CTNNA2: variants seen among roughly 807,000 people sequenced by gnomAD.
CTNNA2 encodes the protein catenin alpha 2, also known as catenin alpha-2.
CTNNA2 carries 42 observed loss-of-function variants against 101.0 expected under a neutral mutation model. The observed-to-expected ratio is 0.42, with a 90% CI of 0.32 to 0.54. The LOEUF (loss-of-function observed/expected upper bound fraction) is 0.54, where lower values mean the gene tolerates loss of function less well. CTNNA2 is among the 20% of genes least tolerant of loss of function. CTNNA2 has a pLI of 0.14. For missense variants in CTNNA2, 871 were observed against 1,223.1 expected, an observed-to-expected ratio of 0.71 and a Z score of 4.29; for synonymous variants, 450 against 456.4, an observed-to-expected ratio of 0.99 and a Z score of 0.18.
intron 7 of CTNNA2, among the ~76,000 whole-genome samples, chr2:80,263,244 A>G (rs1672752182): frequency 1.3e-5 from 2 of 152,236 alleles, no homozygotes; most frequent in African/African-American, 4.8e-5. Context: ...CTATAAATCC[A>G]CAGAATATTA....
intron 4 of CTNNA2, among the ~76,000 whole-genome samples, chr2:79,390,465 C>G (rs1053431854): frequency 6.6e-6 from 1 of 152,288 alleles, no homozygotes; most frequent in East Asian, 1.9e-4. Context: ...ATCTCACCTC[C>G]TCCGTTATAC....
intron 4 of CTNNA2, among the ~76,000 whole-genome samples, chr2:79,450,503 A>T (rs1678880689): frequency 6.6e-6 from 1 of 152,084 alleles, no homozygotes; most frequent in Non-Finnish European, 1.5e-5. Context: ...TAGAGATTAT[A>T]TAGTATAAAA....
chr2:80,057,333 T>A (rs987909998), intron 7 of CTNNA2, among the ~76,000 whole-genome samples: 1 of 152,206 alleles, frequency 6.6e-6, no homozygotes, highest in Admixed American at 6.5e-5. Context: ...TGTTGTTCAA[T>A]AAGAATAGCA....
At chr2:80,309,352 A>G (rs1011894809) in intron 7 of CTNNA2, among the ~76,000 whole-genome samples, 2 of 152,204 alleles carry the variant, frequency 1.3e-5, no homozygotes, top group Admixed American at 6.5e-5. Flanking sequence ...CCTGCCCTCT[A>G]TAAAGCAATC....
chr2:79,258,168 T>A (rs894526202), intron 2 of CTNNA2, among the ~76,000 whole-genome samples: 3 of 152,180 alleles, frequency 2.0e-5, no homozygotes, highest in African/African-American at 7.2e-5. Flanking sequence ...ATATCATCAT[T>A]TGATGAGGGG....
chr2:79,433,270 G>C (rs1007224437), intron 4 of CTNNA2, among the ~76,000 whole-genome samples: 1 of 152,082 alleles, frequency 6.6e-6, no homozygotes, highest in South Asian at 2.1e-4. Flanking sequence ...ATTTTGGGGG[G>C]AACAGGGACA....
intron 12 of CTNNA2, among the ~76,000 whole-genome samples, chr2:80,558,300 A>C (rs183006500): frequency 6.6e-6 from 1 of 152,302 alleles, no homozygotes; most frequent in East Asian, 1.9e-4. Context: ...GTTGCCAAAG[A>C]AATGAAAGAA....
chr2:79,436,367 T>C (rs1678714545), intron 4 of CTNNA2, among the ~76,000 whole-genome samples: 2 of 152,176 alleles, frequency 1.3e-5, no homozygotes, highest in Admixed American at 6.5e-5. Context: ...CTGGTGTGTC[T>C]AGTGGCTGGC....
chr2:80,381,102 C>T lies in CTNNA2; in HGVS notation c.1057-12109C>T, dbSNP rs527914869. ...CATGCTCAGTGAGGTCCCTGATTCA[C>T]CTAAGCCTGAGGAGTGCCAGTGGCT... On this transcript the variant is annotated intron_variant, in intron 7 of 18. Transcript: ENST00000402739. Among the ~76,000 whole-genome samples the T allele has an allele frequency of 2.4e-4, 37 of 152,060 alleles. 1 individual carries two copies. In the South Asian group the frequency reaches 5.6e-3, roughly 23 times the overall value.
Position 79,208,548 on chromosome 2 carries a change from T to C in CTNNA2, c.-406+10472T>C, listed in dbSNP as rs187916837. Among the ~76,000 whole-genome samples, 89 of 152,348 alleles carry C rather than the reference T, an allele frequency of 5.8e-4. No individual in the cohort carries two copies. In the Middle Eastern group the frequency reaches 0.017, roughly 29 times the overall value. ...TGGAATTGGGCTAGGATTTGAATACTAGGCTCTGTGGCTAACTGGCTGTGT... is the reference window on the plus strand; with the variant it reads ...TGGAATTGGGCTAGGATTTGAATACCAGGCTCTGTGGCTAACTGGCTGTGT... On this transcript the variant is annotated intron_variant, in intron 2 of 21. Coordinates refer to the CTNNA2 transcript ENST00000466387.
rs1396803931 is a variant in CTNNA2 at position 80,306,452 on chromosome 2, C to CTT, written c.1057-86758_1057-86757insTT. On this transcript the variant is annotated intron_variant, in intron 7 of 18. Coordinates refer to ENST00000402739, the MANE Select transcript of CTNNA2 (RefSeq NM_001282597.3). ...TCTTTCTTTCTTTCTTTCTTTCTTT[C>CTT]TCTCTCTCTCTTTCTTTCTTTCTTA... 1.6e-4 allele frequency among the ~76,000 whole-genome samples: 21 copies of CTT among 135,382 alleles called. 1 individual carries two copies. The highest frequency in any genetic ancestry group is 8.5e-4 in the East Asian group (4 of 4,696). 88.8% of individuals were successfully genotyped at this position (135,382 alleles called of 152,430 possible).
rs547135335 is a variant in CTNNA2 at position 80,108,291 on chromosome 2, T to C, written c.1056+198494T>C. ...AAGGCTGTCACATTGGAAACAGTTTTGTTCCTTATGCAGCAAGTATGTAGG... is the reference window on the plus strand; with the variant it reads ...AAGGCTGTCACATTGGAAACAGTTTCGTTCCTTATGCAGCAAGTATGTAGG... On this transcript the variant is annotated intron_variant, in intron 7 of 18. Transcript: ENST00000402739. 1.2e-3 allele frequency among the ~76,000 whole-genome samples: 190 copies of C among 152,298 alleles called. 1 individual carries two copies. Among genetic ancestry groups the C allele is most frequent in the Non-Finnish European group, 1.9e-3 (129 of 68,024 alleles).
At chr2:79,871,629 T>G (rs1682588385) in intron 5 of CTNNA2, among the ~76,000 whole-genome samples, 1 of 152,122 alleles carries the variant, frequency 6.6e-6, no homozygotes, top group African/African-American at 2.4e-5. Flanking sequence ...AGGGTGAAGC[T>G]TCTCCACTTA....
At chr2:79,609,072 A>G (rs1331481638) in intron 1 of CTNNA2, among the ~76,000 whole-genome samples, 3 of 152,020 alleles carry the variant, frequency 2.0e-5, no homozygotes, top group Non-Finnish European at 2.9e-5. Context: ...TTGATATTTA[A>G]AAATTAATAT....
chr2:79,936,170 T>C (rs1173471623), intron 7 of CTNNA2, among the ~76,000 whole-genome samples: 1 of 152,200 alleles, frequency 6.6e-6, no homozygotes, highest in Non-Finnish European at 1.5e-5. Flanking sequence ...GATTCTATTT[T>C]TTTTTTCTTT....
chr2:79,550,350 G>T (rs559012053), intron 1 of CTNNA2, among the ~76,000 whole-genome samples: 1 of 152,226 alleles, frequency 6.6e-6, no homozygotes, highest in Admixed American at 6.5e-5. Context: ...CCATGACTCT[G>T]GGCAAGGCAC....
intron 3 of CTNNA2, among the ~76,000 whole-genome samples, chr2:79,813,263 C>T (rs1437232151): frequency 2.0e-5 from 3 of 152,118 alleles, no homozygotes; most frequent in African/African-American, 7.2e-5. Context: ...TCTGCCCTGG[C>T]ACATGAGTGC....
rs577851902 is a variant in CTNNA2 at position 79,276,769 on chromosome 2, A to T, written c.-405-35940A>T. Among the ~76,000 whole-genome samples the T allele has an allele frequency of 6.6e-5, 10 of 151,884 alleles. 1 individual carries two copies. Among genetic ancestry groups the T allele is most frequent in the South Asian group, 2.1e-4 (1 of 4,806 alleles). On this transcript the variant is annotated intron_variant, in intron 2 of 21. Coordinates refer to the CTNNA2 transcript ENST00000466387. Reference sequence around the variant, plus strand: ...CTGCCTTAATGATTACCCTTATTTTAAAAAAAATTGTCCCCTTGTATTTAT... The same window carrying T: ...CTGCCTTAATGATTACCCTTATTTTTAAAAAAATTGTCCCCTTGTATTTAT...
At chr2:79,873,483 T>A (rs1682749588) in intron 5 of CTNNA2, among the ~76,000 whole-genome samples, 1 of 152,028 alleles carries the variant, frequency 6.6e-6, no homozygotes, top group African/African-American at 2.4e-5. Flanking sequence ...AGGAAGAGTG[T>A]CTTGTGGGAA....
Sources: gnomAD v4.1 joint callset for allele counts (sites outside exome capture counted in the v4.1 genomes callset) on GRCh38, gnomAD v4.1.1 for gene constraint, MANE v1.5 for transcripts, NCBI Gene and HGNC (gene_info 2026-07-23, HGNC 2026-07-21) for gene names.